Variants in ZNF385D observed in about 807,000 individuals in gnomAD.
ZNF385D encodes zinc finger protein 385D, also known as zinc finger protein 659.
A neutral mutation model predicts 35.8 loss-of-function variants in ZNF385D; 15 were observed. The observed-to-expected ratio is 0.42, with a 90% confidence interval of 0.28 to 0.64. The LOEUF is 0.64. ZNF385D is among the 30% of genes least tolerant of loss of function. ZNF385D has a pLI of 0.23. For synonymous variants in ZNF385D, 212 were observed against 186.8 expected, an observed-to-expected ratio of 1.13 and a Z score of -1.10; for missense variants, 474 against 494.6, an observed-to-expected ratio of 0.96 and a Z score of 0.39.
intron 3 of ZNF385D, among the ~76,000 whole-genome samples, chr3:22,089,039 G>A (rs1198181068): frequency 1.3e-5 from 2 of 152,064 alleles, no homozygotes; most frequent in Non-Finnish European, 2.9e-5. Context: ...AGGAGGTAGG[G>A]ATCATAAGAA....
At chr3:22,106,347 A>T (rs1702212427) in intron 3 of ZNF385D, among the ~76,000 whole-genome samples, 1 of 152,160 alleles carries the variant, frequency 6.6e-6, no homozygotes, top group African/African-American at 2.4e-5. Context: ...AGATGATGAA[A>T]CTGAGATACC....
chr3:22,301,652 C>T (rs927748197), intron 2 of ZNF385D, among the ~76,000 whole-genome samples: 10 of 151,958 alleles, frequency 6.6e-5, no homozygotes, highest in African/African-American at 2.4e-4. Flanking sequence ...TACTTACCAA[C>T]AGGCTTAAGT....
chr3:22,148,209 G>A (rs1006373676), intron 3 of ZNF385D, among the ~76,000 whole-genome samples: 1 of 152,098 alleles, frequency 6.6e-6, no homozygotes, highest in African/African-American at 2.4e-5. Flanking sequence ...AGCCATGCAT[G>A]ATGGAGTGGT....
chr3:21,654,447 G>A (rs188767122), intron 2 of ZNF385D, among the ~76,000 whole-genome samples: 21 of 152,072 alleles, frequency 1.4e-4, no homozygotes, highest in African/African-American at 4.3e-4. Flanking sequence ...ATTACGTAGC[G>A]CTAAAGGAAT....
chr3:21,943,093 G>A (rs1379623153), intron 3 of ZNF385D, among the ~76,000 whole-genome samples: 1 of 151,998 alleles, frequency 6.6e-6, no homozygotes, highest in Non-Finnish European at 1.5e-5. Context: ...TTAACTTTAG[G>A]CTAAATTCAG....
rs76973608 is a variant in ZNF385D, at chr3:21,776,636, G to C, written c.326-111608C>G. The stretch of plus-strand genomic sequence containing the variant: ...TACCTAAGGTACTTAATGTAATTTA[G>C]AGATAACTAAAAAATAAACTTTATA... On this transcript the variant is annotated intron_variant, in intron 3 of 5. Coordinates refer to the ZNF385D transcript ENST00000494108. Among the ~76,000 whole-genome samples the C allele has an allele frequency of 3.6e-3, 554 of 151,882 alleles. 7 individuals are homozygous for C. Among genetic ancestry groups the C allele is most frequent in the African/African-American group, 0.012 (517 of 41,464 alleles).
chr3:21,764,634 G>A (rs576482050), intron 3 of ZNF385D, among the ~76,000 whole-genome samples: 1 of 152,178 alleles, frequency 6.6e-6, no homozygotes, highest in South Asian at 2.1e-4. Context: ...GTAAATTAAT[G>A]TTTTTAGCTG....
At chr3:21,981,298 T>C (rs1694432184) in intron 3 of ZNF385D, among the ~76,000 whole-genome samples, 1 of 152,222 alleles carries the variant, frequency 6.6e-6, no homozygotes, top group Non-Finnish European at 1.5e-5. Context: ...TGGTTTTGAT[T>C]TGCATTTCTC....
At chr3:21,951,949 T>C (rs960427659) in intron 3 of ZNF385D, among the ~76,000 whole-genome samples, 1 of 151,570 alleles carries the variant, frequency 6.6e-6, no homozygotes, top group Non-Finnish European at 1.5e-5. Context: ...ATTAACTAGA[T>C]GAGGTTGTTG....
intron 2 of ZNF385D, among the ~76,000 whole-genome samples, chr3:22,290,708 A>G (rs2125396850): frequency 6.6e-6 from 1 of 152,264 alleles, no homozygotes; most frequent in African/African-American, 2.4e-5. Flanking sequence ...AGATAACAGC[A>G]AACAAAAATC....
At chr3:22,146,721 T>C (rs1704882977) in intron 3 of ZNF385D, among the ~76,000 whole-genome samples, 1 of 152,100 alleles carries the variant, frequency 6.6e-6, no homozygotes, top group African/African-American at 2.4e-5. Flanking sequence ...GACATTTTAG[T>C]TTTCCTGAGA....
At position 21,941,707 on chromosome 3, in the gene ZNF385D, T is replaced by C. The variant is rs757689758; in HGVS notation, c.325+227110A>G. 4.3e-4 allele frequency among the ~76,000 whole-genome samples: 66 copies of C among 151,784 alleles called. 1 individual carries two copies. The highest frequency in any genetic ancestry group is 1.6e-3 in the Admixed American group (25 of 15,210). On this transcript the variant is annotated intron_variant, in intron 3 of 5. Transcript: ENST00000494108. ...AGAGACGGGGTTTCACCGTATTAGC[T>C]AGGATGGTCTCGATCTCCTGACCTC... is the stretch of plus-strand genomic sequence containing the variant.
At chr3:21,932,897 G>C (rs773256399) in intron 3 of ZNF385D, among the ~76,000 whole-genome samples, 3 of 152,118 alleles carry the variant, frequency 2.0e-5, no homozygotes, top group Admixed American at 1.3e-4. Context: ...ATTTGTGATT[G>C]TTACCTGGGC....
intron 3 of ZNF385D, among the ~76,000 whole-genome samples, chr3:21,941,607 C>T (rs1442470634): frequency 6.7e-6 from 1 of 149,844 alleles, no homozygotes; most frequent in African/African-American, 2.5e-5. Context: ...ACGCCATTCT[C>T]CTGCCTCAGC....
intron 2 of ZNF385D, among the ~76,000 whole-genome samples, chr3:21,627,512 G>A (rs1487932591): frequency 2.0e-5 from 3 of 152,040 alleles, no homozygotes; most frequent in Non-Finnish European, 2.9e-5. Flanking sequence ...ATCAGATCAA[G>A]TGTCTATTTC....
chr3:21,899,221 A>C (rs1699284625), intron 3 of ZNF385D, among the ~76,000 whole-genome samples: 1 of 152,016 alleles, frequency 6.6e-6, no homozygotes, highest in Non-Finnish European at 1.5e-5. Flanking sequence ...CTATGACAAA[A>C]AATTATCTGG....
intron 4 of ZNF385D, among the ~76,000 whole-genome samples, chr3:21,461,431 C>T (rs974504833): frequency 1.3e-4 from 20 of 151,840 alleles, no homozygotes; most frequent in African/African-American, 4.8e-4. Context: ...GCCTGTATTC[C>T]CAGCTACTTG....
At chr3:22,328,821 A>C (rs1262680521) in intron 2 of ZNF385D, among the ~76,000 whole-genome samples, 1 of 151,830 alleles carries the variant, frequency 6.6e-6, no homozygotes, top group African/African-American at 2.4e-5. Flanking sequence ...CACGCCTGTA[A>C]TCCCAGCACT....
rs771582946 is a variant in ZNF385D, at chr3:22,113,521, A to T, written c.325+55296T>A. 3.9e-5 allele frequency among the ~76,000 whole-genome samples: 6 copies of T among 152,138 alleles called. 1 individual carries two copies. In the South Asian group the frequency reaches 1.2e-3, roughly 31 times the overall value. On this transcript the variant is annotated intron_variant, in intron 3 of 5. Coordinates refer to the ZNF385D transcript ENST00000494108. ...TGGGGAGAAATTAGATCTATAATAA[A>T]CATATTTGTGTAAGTAAAAAGAAGA...
Sources: allele counts gnomAD v4.1 joint callset (sites outside exome capture counted in the v4.1 genomes callset), GRCh38; gene constraint gnomAD v4.1.1; transcripts MANE v1.5; gene names NCBI Gene and HGNC (gene_info 2026-07-23, HGNC 2026-07-21).